TFR2: variants seen among roughly 807,000 people sequenced by gnomAD.
TFR2 encodes transferrin receptor 2.
TFR2 carries 64 observed loss-of-function variants against 91.9 expected under a neutral mutation model. The observed-to-expected ratio is 0.70, with a 90% CI of 0.57 to 0.86. The LOEUF is 0.86. Among genes scored for constraint, TFR2 ranks in the 40% least tolerant of loss-of-function variants. TFR2 has a pLI of 0.00. For missense variants in TFR2, 950 were observed against 1,080.5 expected (o/e 0.88, Z 1.69); for synonymous variants, 454 against 459.6 (o/e 0.99, Z 0.15).
At chr7:100,631,158 C>T (rs1165628038) in intron 8 of TFR2, 106 bp from the exon 9 acceptor site, 37 of 1,303,452 alleles carry the variant, frequency 2.8e-5, no homozygotes, top group South Asian at 6.3e-5. Context: ...GGCTCCAGAT[C>T]GCTGCCTCTG....
intron 3 of TFR2, 25 bp downstream of exon 3, chr7:100,640,661 C>T (rs1264976237): frequency 6.2e-7 from 1 of 1,608,610 alleles, no homozygotes; most frequent in Non-Finnish European, 8.5e-7. Context: ...CACTCGAGAA[C>T]AGGATGGGGC....
chr7:100,630,292 T>C (rs186752386), intron 9 of TFR2, among the ~76,000 whole-genome samples: 223 of 151,858 alleles, frequency 1.5e-3, no homozygotes, highest in African/African-American at 5.0e-3. Context: ...TTCTTTCTCT[T>C]TTTTTTCTTT....
chr7:100,629,334 C>G lies in TFR2; in HGVS notation c.1309G>C (p.Gly437Arg). ...VVIGAQRDAW[G>R]PGAAKSAVGT... ...ACAGCGGATTTAGCTGCTCCTGGGC[C>G]CCATGCATCCCTCTGGGCCCCGATG... The change falls in exon 10 of 18, where the codon GGC becomes CGC. Residue 437 changes from glycine to arginine, a missense_variant. By Grantham distance (125) the Gly-to-Arg change is moderately radical (BLOSUM62 -2). Coordinates refer to ENST00000223051, the MANE Select transcript of TFR2 (RefSeq NM_003227.4). The G allele has an allele frequency of 6.2e-7, 1 of 1,614,098 alleles. No individual in the cohort carries two copies. Among genetic ancestry groups the G allele is most frequent in the Non-Finnish European group, 8.5e-7 (1 of 1,179,974 alleles).
chr7:100,627,343 A>G lies in TFR2; in HGVS notation c.1916T>C (p.Leu639Pro). 2 of 1,551,552 alleles carry G rather than the reference A, an allele frequency of 1.3e-6. No homozygotes were observed. Among genetic ancestry groups the G allele is most frequent in the Non-Finnish European group, 1.7e-6 (2 of 1,147,334 alleles). ...CCCGTAGCGGCCGAAGTCGAGGGGC[A>G]GCAGGCGATCGTGGCTGAGCCGGAT... ...LLIRLSHDRL[L>P]PLDFGRYGDV... The change falls in exon 16 of 18, where the codon CTG becomes CCG. Residue 639 changes from leucine (L) to proline (P), a missense_variant. Coordinates refer to ENST00000223051, the MANE Select transcript of TFR2 (RefSeq NM_003227.4).
intron 17 of TFR2, among the ~76,000 whole-genome samples, chr7:100,623,931 C>T (rs1803186502): frequency 6.6e-6 from 1 of 151,082 alleles, no homozygotes; most frequent in Admixed American, 6.6e-5. Context: ...TTGTGCGCGC[C>T]TGTAGTCCCA....
rs200942268 is a variant in TFR2, at chr7:100,631,967, C to T, written c.967-22G>A. The T allele has an allele frequency of 7.5e-4, 1,206 of 1,614,026 alleles. 17 individuals are homozygous for T. The South Asian group carries it at 7.7e-3, about 10-fold the overall frequency. On this transcript the variant is annotated intron_variant, in intron 7 of 17. Transcript: ENST00000223051. ...GCACCTGCAGGGAAAGGGGTGCCCA[C>T]GCAAAGCTGCGAGCTGGGCTTCCAG...
intron 10 of TFR2, among the ~76,000 whole-genome samples, chr7:100,628,832 T>C (rs1245745203): frequency 6.6e-6 from 1 of 151,970 alleles, no homozygotes; most frequent in African/African-American, 2.4e-5. Context: ...AGTGGTGCGA[T>C]CTCGGCTTAC....
At chr7:100,629,121 G>A (rs1803354986) in intron 10 of TFR2, 132 bp downstream of exon 10, 6 of 1,218,610 alleles carry the variant, frequency 4.9e-6, no homozygotes, top group Non-Finnish European at 7.2e-6. Context: ...GGCCACTCAG[G>A]TACAATGTGG....
chr7:100,627,714 TC>T, intron 14 of TFR2, 29 bp downstream of exon 14: 1 of 1,612,634 alleles, frequency 6.2e-7, no homozygotes, highest in Non-Finnish European at 8.5e-7. Flanking sequence ...CCCACATCCC[TC>T]CCCAGCTCTC....
At chr7:100,621,204 C>T in intron 17 of TFR2, 78 bp from the exon 18 acceptor site, 1 of 1,404,342 alleles carries the variant, frequency 7.1e-7, no homozygotes. Context: ...TTCCCGCCAG[C>T]CAGTCTTTTT....
chr7:100,633,733 G>A (rs1803518612), intron 3 of TFR2, 177 bp from the exon 4 acceptor site: 1 of 1,021,630 alleles, frequency 9.8e-7, no homozygotes, highest in Admixed American at 3.7e-5. Context: ...TTTTGAGACG[G>A]AGTGTCGCTC....
rs780798756 is a variant in TFR2 at position 100,633,025 on chromosome 7, C to T, written c.825G>A (p.Val275=). The T allele has an allele frequency of 1.2e-6, 2 of 1,613,822 alleles. No individual in the cohort carries two copies. Among genetic ancestry groups the T allele is most frequent in the Non-Finnish European group, 1.7e-6 (2 of 1,180,000 alleles). ...CCTTCTGGGCGAAGCTGATCACCCC[C>T]ACGCGCACCAGCAGCAGGCGGCCCA... ...DPVGRLLLVR[V]GVISFAQKVT... Residue 275 remains valine, a synonymous_variant, in exon 6 of 18, where the codon GTG becomes GTA. Transcript: ENST00000223051.
rs1254243525 is a variant in TFR2, at chr7:100,627,354, G to C, written c.1905C>G (p.His635Gln). 6.4e-7 allele frequency: 1 copy of C among 1,552,314 alleles called. No individual in the cohort carries two copies. The highest frequency in any genetic ancestry group is 1.4e-5 in the African/African-American group (1 of 73,274). ...LAGQLLIRLS[H>Q]DRLLPLDFGR... The stretch of plus-strand genomic sequence containing the variant: ...CGAAGTCGAGGGGCAGCAGGCGATC[G>C]TGGCTGAGCCGGATGAGGAGCTGCC... The change falls in exon 16 of 18, where the codon CAC becomes CAG. Residue 635 changes from histidine to glutamine, a missense_variant. Physicochemically the swap from His to Gln is conservative, Grantham distance 24. Transcript: ENST00000223051.
rs2131311145 is a variant in TFR2, at chr7:100,626,869, G to A, written c.2030C>T (p.Ala677Val). Residue 677 changes from alanine (A) to valine (V), a missense_variant, in exon 17 of 18, where the codon GCG becomes GTG. Ala to Val is a moderately conservative substitution (Grantham distance 64, BLOSUM62 0). Transcript: ENST00000223051. ...CGCCGCCCGGATGTAGTCCCCCCGC[G>A]CCGAGTACACCCACTGCAGGGTCAG... ...RGLTLQWVYS[A>V]RGDYIRAAEK... The A allele has an allele frequency of 1.3e-6, 2 of 1,547,172 alleles. No individual in the cohort carries two copies. Among genetic ancestry groups the A allele is most frequent in the Non-Finnish European group, 8.7e-7 (1 of 1,147,100 alleles).
chr7:100,635,017 C>T (rs1438738820), intron 3 of TFR2, among the ~76,000 whole-genome samples: 3 of 152,020 alleles, frequency 2.0e-5, no homozygotes, highest in Non-Finnish European at 4.4e-5. Flanking sequence ...CAGCTCACTG[C>T]AACCTCTGCC....
intron 17 of TFR2, among the ~76,000 whole-genome samples, chr7:100,621,717 A>C (rs371493520): frequency 6.6e-6 from 1 of 151,996 alleles, no homozygotes; most frequent in African/African-American, 2.4e-5. Flanking sequence ...CACCCCCACC[A>C]ATGTCCACAG....
chr7:100,638,474 GC>G (rs1289799567), intron 3 of TFR2, among the ~76,000 whole-genome samples: 2 of 151,902 alleles, frequency 1.3e-5, no homozygotes, highest in Non-Finnish European at 2.9e-5. Context: ...ATTAGGCTGG[GC>G]ATGGTGGCTC....
rs1803319802 is a variant in TFR2, at chr7:100,628,089, C to T, written c.1521G>A (p.Leu507=). 1 of 1,614,154 alleles carries T rather than the reference C, an allele frequency of 6.2e-7. No individual in the cohort carries two copies. Among genetic ancestry groups the T allele is most frequent in the Non-Finnish European group, 8.5e-7 (1 of 1,180,006 alleles). ...CCAGCTCACCCAGCACTGCGTTGTC[C>T]AGGCTCACGTACACTACGGCTTTGA... ...LHLKAVVYVS[L]DNAVLGDDKF... Residue 507 remains leucine, a synonymous_variant, in exon 12 of 18, where the codon CTG becomes CTA. Transcript: ENST00000223051.
intron 8 of TFR2, chr7:100,631,430 C>A: frequency 4.4e-6 from 1 of 224,822 alleles, no homozygotes; most frequent in Non-Finnish European, 8.9e-6. Flanking sequence ...AGTTCGAGAC[C>A]AGTCTGGCCA....
Sources: gnomAD v4.1 joint callset for allele counts (sites outside exome capture counted in the v4.1 genomes callset) on GRCh38, gnomAD v4.1.1 for gene constraint, MANE v1.5 for transcripts, NCBI Gene and HGNC (gene_info 2026-07-23, HGNC 2026-07-21) for gene names.